The following TRAM2 variants were observed in gnomAD, a reference collection of about 807,000 sequenced individuals.
TRAM2 encodes translocating chain-associated membrane protein 2.
Under a neutral mutation model 51.0 loss-of-function variants are expected in TRAM2, and 12 were observed. The ratio of observed to expected loss-of-function variants is 0.24; its 90% CI spans 0.15 to 0.38. The LOEUF (loss-of-function observed/expected upper bound fraction) is 0.38. Among genes scored for constraint, TRAM2 ranks in the 10% least tolerant of loss-of-function variants. The pLI is 1.00. For synonymous variants in TRAM2, 175 were observed against 179.4 expected (o/e 0.98, Z 0.20); for missense variants, 361 against 462.0 (o/e 0.78, Z 2.00).
intron 1 of TRAM2, among the ~76,000 whole-genome samples, chr6:52,556,189 G>A (rs1767401678): frequency 6.6e-6 from 1 of 152,064 alleles, no homozygotes; most frequent in Admixed American, 6.5e-5. Flanking sequence ...CAGAGCCGGG[G>A]GCTGGGGGCT....
intron 5 of TRAM2, 112 bp from the exon 6 acceptor site, chr6:52,508,430 G>T: frequency 1.9e-6 from 2 of 1,037,744 alleles, no homozygotes; most frequent in South Asian, 1.5e-5. Flanking sequence ...GTGAGGAGCT[G>T]GTCCAGGAGC....
chr6:52,505,818 A>T, intron 8 of TRAM2, 76 bp from the exon 9 acceptor site: 1 of 1,527,390 alleles, frequency 6.5e-7, no homozygotes, highest in Non-Finnish European at 8.8e-7. Context: ...TCCAGAAGAG[A>T]CCCCGAGTGG....
At position 52,502,165 on chromosome 6, in the gene TRAM2, G is replaced by A. The variant is rs1037502716; in HGVS notation, c.*1032C>T. 1 of 152,294 alleles carries A rather than the reference G, an allele frequency of 6.6e-6. No individual in the cohort carries two copies. The highest frequency in any genetic ancestry group is 1.5e-5 in the Non-Finnish European group (1 of 68,076). 9.4% of individuals were successfully genotyped at this position (152,294 alleles called of 1,614,324 possible). A position where few individuals can be genotyped will look rare whatever the true frequency, so the allele number is the denominator to read the frequency against. On this transcript the variant is annotated 3_prime_UTR_variant, in exon 11 of 11. Transcript: ENST00000182527. ...GGGGCTGAAGCCCTTGAGACTTAGT[G>A]TTTCTGCAGCTAGAGATGAAGTCAA...
At chr6:52,564,869 G>C (rs1016802284) in intron 1 of TRAM2, among the ~76,000 whole-genome samples, 1 of 152,190 alleles carries the variant, frequency 6.6e-6, no homozygotes, top group Non-Finnish European at 1.5e-5. Flanking sequence ...TTCTGAGCAG[G>C]TGGTGCTTTT....
chr6:52,531,369 T>A (rs4715302), intron 2 of TRAM2, among the ~76,000 whole-genome samples: 137,040 of 152,280 alleles, frequency 0.9, 61,693 homozygotes, highest in East Asian at 0.96. Context: ...TTTGCTTGTC[T>A]TATTTCCAAC....
intron 1 of TRAM2, among the ~76,000 whole-genome samples, chr6:52,570,796 C>CG (rs1554267147): frequency 2.3e-5 from 1 of 43,084 alleles, no homozygotes; most frequent in African/African-American, 6.0e-5. Flanking sequence ...CTGCCCACCA[C>CG]CCCCCCCCCC....
At chr6:52,539,494 A>AT (rs370307761) in intron 1 of TRAM2, among the ~76,000 whole-genome samples, 11 of 151,814 alleles carry the variant, frequency 7.2e-5, no homozygotes, top group African/African-American at 2.4e-4. Context: ...GAGGGCCAAG[A>AT]TTTTTTTTCT....
At chr6:52,505,459 C>T (rs1376648189) in intron 9 of TRAM2, 140 bp downstream of exon 9, 1 of 1,219,218 alleles carries the variant, frequency 8.2e-7, no homozygotes, top group African/African-American at 1.5e-5. Context: ...CTTCTCCCCT[C>T]AGGCCTGATA....
intron 1 of TRAM2, among the ~76,000 whole-genome samples, chr6:52,545,620 G>A (rs1391450892): frequency 3.6e-5 from 4 of 110,398 alleles, no homozygotes; most frequent in Non-Finnish European, 7.1e-5. Flanking sequence ...CCCACCTATT[G>A]CACACATACC....
intron 1 of TRAM2, among the ~76,000 whole-genome samples, chr6:52,545,412 A>C (rs1479893603): frequency 6.6e-6 from 1 of 152,210 alleles, no homozygotes; most frequent in Non-Finnish European, 1.5e-5. Flanking sequence ...GACACGAATG[A>C]CCTTAAGCTT....
chr6:52,520,479 G>C (rs1766650249), intron 2 of TRAM2, among the ~76,000 whole-genome samples: 1 of 152,252 alleles, frequency 6.6e-6, no homozygotes, highest in Non-Finnish European at 1.5e-5. Context: ...GATAGAGTCA[G>C]TGACGGAATC....
intron 2 of TRAM2, among the ~76,000 whole-genome samples, chr6:52,519,919 G>A (rs924324839): frequency 6.6e-5 from 10 of 152,116 alleles, no homozygotes; most frequent in African/African-American, 2.2e-4. Context: ...TGTATGATTC[G>A]ATTTATATAT....
At chr6:52,560,837 A>G (rs550468169) in intron 1 of TRAM2, among the ~76,000 whole-genome samples, 2 of 152,224 alleles carry the variant, frequency 1.3e-5, no homozygotes, top group Non-Finnish European at 2.9e-5. Flanking sequence ...TATCGTTTTG[A>G]TGCTGGCTCC....
In TRAM2 at chr6:52,523,075, G is replaced by C. The variant is rs1031887119; in HGVS notation, c.185-6338C>G. 2.6e-5 allele frequency: 14 copies of C among 539,452 alleles called. 1 individual carries two copies. Among genetic ancestry groups the C allele is most frequent in the Non-Finnish European group, 3.3e-5 (10 of 307,652 alleles). The allele number at this position is 539,452 out of a possible 1,614,324, so 33.4% of individuals were successfully genotyped here. A position where few individuals can be genotyped will look rare whatever the true frequency, so the allele number is the denominator to read the frequency against. ...TAGAAGCTTCTTCTTTTGTCTGAAA[G>C]CTAGTTGTTTAAAGAGCATCACTGT... On this transcript the variant is annotated intron_variant, in intron 2 of 10. Coordinates refer to ENST00000182527, the MANE Select transcript of TRAM2 (RefSeq NM_012288.4).
chr6:52,513,270 T>C (rs1054087886), intron 4 of TRAM2, among the ~76,000 whole-genome samples: 2 of 152,234 alleles, frequency 1.3e-5, no homozygotes, highest in South Asian at 2.1e-4. Context: ...AAAATGATCA[T>C]TTATGATATT....
At position 52,507,757 on chromosome 6, in the gene TRAM2, G is replaced by A. The variant is rs897022445; in HGVS notation, c.556-134C>T. On this transcript the variant is annotated intron_variant, in intron 6 of 10. Transcript: ENST00000182527. ...TTTAACACACAGTCCCATGTCCCAC[G>A]AGTCCCACAGTCCCACTGCACCAGG... 63 of 749,974 alleles carry A rather than the reference G, an allele frequency of 8.4e-5. 1 individual carries two copies. In the South Asian group the frequency reaches 9.2e-4, roughly 11 times the overall value. The allele number at this position is 749,974 out of a possible 1,614,324, so 46.5% of individuals were successfully genotyped here. A position where few individuals can be genotyped will look rare whatever the true frequency, so the allele number is the denominator to read the frequency against.
At chr6:52,570,792 A>ACCCCCCCCCCCCCCCCC (rs1487796614) in intron 1 of TRAM2, among the ~76,000 whole-genome samples, 1 of 32,846 alleles carries the variant, frequency 3.0e-5, no homozygotes, top group African/African-American at 1.3e-4. Context: ...CTCCCTGCCC[A>ACCCCCCCCCCCCCCCCC]CCACCCCCCC....
At chr6:52,559,552 G>T (rs1460148142) in intron 1 of TRAM2, among the ~76,000 whole-genome samples, 2 of 152,204 alleles carry the variant, frequency 1.3e-5, no homozygotes, top group Non-Finnish European at 2.9e-5. Flanking sequence ...CTGAATGACA[G>T]AATACAGGTA....
chr6:52,558,635 C>T (rs1272967726), intron 1 of TRAM2, among the ~76,000 whole-genome samples: 1 of 152,212 alleles, frequency 6.6e-6, no homozygotes, highest in African/African-American at 2.4e-5. Context: ...ATCCTTCTAA[C>T]ACTCACTGTA....
Sources: allele counts gnomAD v4.1 joint callset (sites outside exome capture counted in the v4.1 genomes callset), GRCh38; gene constraint gnomAD v4.1.1; transcripts MANE v1.5; gene names NCBI Gene and HGNC (gene_info 2026-07-23, HGNC 2026-07-21).